GNG12: variants seen among roughly 807,000 people sequenced by gnomAD.
The protein encoded by GNG12 is guanine nucleotide-binding protein G(I)/G(S)/G(O) subunit gamma-12.
For synonymous variants in GNG12, 28 were observed against 29.7 expected (o/e 0.94, Z 0.19); for missense variants, 69 against 83.8 (o/e 0.82, Z 0.69).
intron 1 of GNG12, among the ~76,000 whole-genome samples, chr1:67,817,106 T>C (rs753549419): frequency 3.3e-5 from 5 of 152,200 alleles, no homozygotes; most frequent in Non-Finnish European, 7.3e-5. Context: ...GGGTACAATA[T>C]ATTCCACAGA....
intron 1 of GNG12, among the ~76,000 whole-genome samples, chr1:67,807,850 C>G (rs1019280994): frequency 1.3e-5 from 2 of 152,076 alleles, no homozygotes; most frequent in African/African-American, 4.8e-5. Context: ...GCACCAAGTT[C>G]AGATGGATTC....
chr1:67,779,135 T>C (rs1290829814), intron 1 of GNG12, among the ~76,000 whole-genome samples: 1 of 152,214 alleles, frequency 6.6e-6, no homozygotes, highest in Non-Finnish European at 1.5e-5. Context: ...ATGGGTCTTT[T>C]AGATAGATAT....
intron 2 of GNG12, among the ~76,000 whole-genome samples, chr1:67,749,666 A>G (rs1053272238): frequency 6.6e-5 from 10 of 152,196 alleles, no homozygotes; most frequent in Non-Finnish European, 1.3e-4. Flanking sequence ...CAATCAGGAC[A>G]GACTGGTTGA....
At chr1:67,832,272 C>G (rs1647051238) in intron 1 of GNG12, 1 of 152,316 alleles carries the variant, frequency 6.6e-6, no homozygotes, top group East Asian at 1.9e-4. Flanking sequence ...TCCCTTCTAC[C>G]TCTGGTGTTC....
chr1:67,729,772 T>C (rs1033616351), intron 2 of GNG12, among the ~76,000 whole-genome samples: 19 of 152,318 alleles, frequency 1.2e-4, no homozygotes, highest in African/African-American at 4.6e-4. Flanking sequence ...CCCTCCCCAG[T>C]GGCAGCCTCC....
At position 67,781,997 on chromosome 1, in the gene GNG12, T is replaced by C. The variant is rs367911712; in HGVS notation, c.-76-4490A>G. Among the ~76,000 whole-genome samples, 17 of 152,226 alleles carry C rather than the reference T, an allele frequency of 1.1e-4. No homozygotes were observed. The East Asian group carries it at 2.5e-3, about 22-fold the overall frequency. ...ACAATTAAAAACTCACTTCCCCAGT[T>C]GTATGAGCCACATTTCAAGTGGCCA... On this transcript the variant is annotated intron_variant, in intron 1 of 3. Coordinates refer to ENST00000370982, the MANE Select transcript of GNG12 (RefSeq NM_018841.6).
intron 2 of GNG12, among the ~76,000 whole-genome samples, chr1:67,748,998 T>A (rs1183752767): frequency 3.3e-5 from 5 of 151,660 alleles, no homozygotes; most frequent in Non-Finnish European, 7.4e-5. Flanking sequence ...AAAAAAATCA[T>A]CTCTGACTTA....
chr1:67,708,187 G>A (rs1487652224), intron 2 of GNG12, among the ~76,000 whole-genome samples: 1 of 152,224 alleles, frequency 6.6e-6, no homozygotes, highest in Non-Finnish European at 1.5e-5. Flanking sequence ...CTTGGCAACA[G>A]AAAATGAGAA....
intron 2 of GNG12, among the ~76,000 whole-genome samples, chr1:67,753,862 G>A (rs1398744070): frequency 6.6e-6 from 1 of 152,126 alleles, no homozygotes; most frequent in African/African-American, 2.4e-5. Context: ...TTGTGGTGTC[G>A]GTGAGAGAAT....
chr1:67,767,365 GAT>G (rs1205583638), intron 2 of GNG12, among the ~76,000 whole-genome samples: 1 of 152,216 alleles, frequency 6.6e-6, no homozygotes, highest in African/African-American at 2.4e-5. Context: ...CCTGGAGACA[GAT>G]ACCGAGGTGG....
intron 1 of GNG12, among the ~76,000 whole-genome samples, chr1:67,831,888 C>A (rs1256257575): frequency 6.6e-6 from 1 of 152,224 alleles, no homozygotes; most frequent in Non-Finnish European, 1.5e-5. Flanking sequence ...CTTCCTGGTT[C>A]TCCTAGGTGA....
At chr1:67,833,117 T>G in intron 1 of GNG12, among the ~76,000 whole-genome samples, 1 of 140,338 alleles carries the variant, frequency 7.1e-6, no homozygotes. Context: ...CCTTGGCCCC[T>G]TCCTCCCCCT....
At position 67,772,151 on chromosome 1, in the gene GNG12, T is replaced by C. The variant is rs1028425058; in HGVS notation, c.-27+5307A>G. ...TGTGACATAATGATGGAAAACATAA[T>C]CCTTTCTCCAACAAAAAAAGTGCAT... On this transcript the variant is annotated intron_variant, in intron 2 of 3. Transcript: ENST00000370982. 2.0e-5 allele frequency among the ~76,000 whole-genome samples: 3 copies of C among 152,140 alleles called. No homozygotes were observed. The South Asian group carries it at 6.2e-4, about 31-fold the overall frequency.
At chr1:67,815,786 A>T (rs1200954331) in intron 1 of GNG12, among the ~76,000 whole-genome samples, 1 of 152,120 alleles carries the variant, frequency 6.6e-6, no homozygotes, top group Admixed American at 6.5e-5. Context: ...AGACTCCGTA[A>T]CTAGATGAGG....
At chr1:67,739,434 G>A (rs1442136923) in intron 2 of GNG12, among the ~76,000 whole-genome samples, 4 of 152,148 alleles carry the variant, frequency 2.6e-5, no homozygotes, top group Non-Finnish European at 5.9e-5. Flanking sequence ...TTTATTGAAC[G>A]CCTACTATGT....
intron 2 of GNG12, among the ~76,000 whole-genome samples, chr1:67,750,699 T>C (rs531886880): frequency 1.3e-5 from 2 of 152,336 alleles, no homozygotes; most frequent in Admixed American, 6.5e-5. Flanking sequence ...AACAGTGTTA[T>C]AACTGGGGCT....
intron 1 of GNG12, among the ~76,000 whole-genome samples, chr1:67,814,181 T>C (rs1366056984): frequency 6.6e-6 from 1 of 151,906 alleles, no homozygotes; most frequent in Non-Finnish European, 1.5e-5. Flanking sequence ...ACACATAAAG[T>C]AAACAAAAAA....
chr1:67,791,781 ACCC>A (rs1477143529), intron 1 of GNG12, among the ~76,000 whole-genome samples: 1 of 150,430 alleles, frequency 6.6e-6, no homozygotes, highest in Admixed American at 6.7e-5. Flanking sequence ...TCCCTCCTCA[ACCC>A]CCCATCTAGT....
chr1:67,705,375 T>C lies in GNG12; in HGVS notation c.*76A>G. ...TATTAGCAGTGGTTACCAAATAAGC[T>C]GAAGGTAAATCTCTTCAAGGAGCTG... is the stretch of plus-strand genomic sequence containing the variant. On this transcript the variant is annotated 3_prime_UTR_variant, in exon 4 of 4. Coordinates refer to ENST00000370982, the MANE Select transcript of GNG12 (RefSeq NM_018841.6). 6 of 1,559,466 alleles carry C rather than the reference T, an allele frequency of 3.8e-6. No individual in the cohort carries two copies. The highest frequency in any genetic ancestry group is 1.7e-4 in the Middle Eastern group (1 of 5,716).
Sources: gnomAD v4.1 joint callset for allele counts (sites outside exome capture counted in the v4.1 genomes callset) on GRCh38, gnomAD v4.1.1 for gene constraint, MANE v1.5 for transcripts, NCBI Gene and HGNC (gene_info 2026-07-23, HGNC 2026-07-21) for gene names.